Variants in PLA2G6 observed in about 807,000 individuals in gnomAD.
PLA2G6 encodes phospholipase A2 group VI, also known as 85/88 kDa calcium-independent phospholipase A2.
A neutral mutation model predicts 83.8 loss-of-function variants in PLA2G6; 62 were observed. That is an observed-to-expected ratio of 0.74 (90% confidence interval 0.60 to 0.91). PLA2G6 has a LOEUF of 0.91. Among genes scored for constraint, PLA2G6 ranks in the 40% least tolerant of loss-of-function variants. The pLI is 0.00. For missense variants in PLA2G6, 944 were observed against 1,102.0 expected (o/e 0.86, Z 2.03); for synonymous variants, 417 against 449.8 (o/e 0.93, Z 0.92).
chr22:38,159,814 C>T (rs2089940684), intron 2 of PLA2G6, among the ~76,000 whole-genome samples: 3 of 151,886 alleles, frequency 2.0e-5, no homozygotes, highest in African/African-American at 7.3e-5. Flanking sequence ...CTTCTCAAAG[C>T]TTTAAGATAG....
chr22:38,179,467 C>A (rs1490312154), intron 1 of PLA2G6, among the ~76,000 whole-genome samples: 1 of 146,132 alleles, frequency 6.8e-6, no homozygotes, highest in African/African-American at 2.6e-5. Flanking sequence ...GAGGGCAGAA[C>A]TAACAGGAGC....
At chr22:38,173,350 C>A (rs1275217031) in intron 1 of PLA2G6, among the ~76,000 whole-genome samples, 1 of 151,968 alleles carries the variant, frequency 6.6e-6, no homozygotes, top group Non-Finnish European at 1.5e-5. Context: ...CTCCCTGCAC[C>A]CCCAGGATGC....
intron 1 of PLA2G6, among the ~76,000 whole-genome samples, chr22:38,171,855 T>C (rs1192603392): frequency 6.7e-6 from 1 of 149,096 alleles, no homozygotes; most frequent in African/African-American, 2.5e-5. Context: ...AAAGACAGGG[T>C]CTTACCACGT....
chr22:38,144,587 C>T (rs538938018), intron 3 of PLA2G6: 1 of 142,678 alleles, frequency 7.0e-6, no homozygotes, highest in African/African-American at 2.6e-5. Context: ...GAGCCGAGAT[C>T]GCGCCACTGC....
chr22:38,168,505 C>T (rs2090308825), intron 2 of PLA2G6, among the ~76,000 whole-genome samples: 1 of 152,238 alleles, frequency 6.6e-6, no homozygotes, highest in South Asian at 2.1e-4. Flanking sequence ...TCTGTCCAGC[C>T]TTCCTAAGCA....
rs549724675 is a variant in PLA2G6 at position 38,132,769 on chromosome 22, G to A, written c.1077+62C>T. The A allele has an allele frequency of 2.0e-4, 284 of 1,415,082 alleles. No homozygotes were observed. Among genetic ancestry groups the A allele is most frequent in the Non-Finnish European group, 2.5e-4 (261 of 1,039,578 alleles). The allele number at this position is 1,415,082 out of a possible 1,614,324, so 87.7% of individuals were successfully genotyped here. A position where few individuals can be genotyped will look rare whatever the true frequency, so the allele number is the denominator to read the frequency against. On this transcript the variant is annotated intron_variant, in intron 7 of 16. Transcript: ENST00000332509. This position sits in a 1 kb window ranked among gnomAD's most constrained non-coding sequence, Gnocchi z 5.0. Reference sequence around the variant, plus strand: ...ACAGTGGGGAGGAGGGCTCCAGTCCGGACAGCCCTCCTGCATTCCCACCGG... The same window carrying A: ...ACAGTGGGGAGGAGGGCTCCAGTCCAGACAGCCCTCCTGCATTCCCACCGG...
intron 1 of PLA2G6, among the ~76,000 whole-genome samples, chr22:38,174,163 A>G (rs1179545140): frequency 1.3e-5 from 2 of 152,180 alleles, no homozygotes; most frequent in Non-Finnish European, 2.9e-5. Context: ...TTGGGAGGTT[A>G]AGGCGGGCGG....
rs1337264018 is a variant in PLA2G6 at position 38,128,337 on chromosome 22, G to A, written c.1280C>T (p.Ser427Phe). The A allele has an allele frequency of 8.7e-6, 14 of 1,613,514 alleles. No individual in the cohort carries two copies. The highest frequency in any genetic ancestry group is 1.2e-5 in the Non-Finnish European group (14 of 1,180,026). Reference protein sequence around the residue: ...PIHGVPAEQGSAAPHHPFSLE... With the variant: ...PIHGVPAEQGFAAPHHPFSLE... ...GGAGAAGGGATGATGTGGCGCTGCAGAGCCCTGCTCCGCGGGGACCCCGTG... is the reference window on the plus strand; with the variant it reads ...GGAGAAGGGATGATGTGGCGCTGCAAAGCCCTGCTCCGCGGGGACCCCGTG... Residue 427 changes from serine (S) to phenylalanine (F), a missense_variant, in exon 9 of 17, where the codon TCT (serine) becomes TTT (phenylalanine). Coordinates refer to ENST00000332509, the MANE Select transcript of PLA2G6 (RefSeq NM_003560.4). This position sits in a 1 kb window ranked among gnomAD's most constrained non-coding sequence, Gnocchi z 4.4.
rs56391117 is a variant in PLA2G6, at chr22:38,141,193, C to CA, written c.610-1025dup. Reference sequence around the variant, plus strand: ...TGGGCGACAGAGCAAGACTCCGTCTCAAAAAAAAAAAAAATTAGCCCATGT... The same window carrying CA: ...TGGGCGACAGAGCAAGACTCCGTCTCAAAAAAAAAAAAAAATTAGCCCATGT... On this transcript the variant is annotated intron_variant, in intron 4 of 16. Transcript: ENST00000332509. The CA allele has an allele frequency of 1.4e-3, 165 of 121,708 alleles. No individual in the cohort carries two copies. In the Middle Eastern group the frequency reaches 0.014, roughly 10 times the overall value. The allele number at this position is 121,708 out of a possible 1,614,324, so 7.5% of individuals were successfully genotyped here. A position where few individuals can be genotyped will look rare whatever the true frequency, so the allele number is the denominator to read the frequency against.
chr22:38,143,408 T>A, intron 3 of PLA2G6, 120 bp from the exon 4 acceptor site: 1 of 855,162 alleles, frequency 1.2e-6, no homozygotes, highest in Non-Finnish European at 1.9e-6. Flanking sequence ...TTATTTGAGC[T>A]CAAGAGCATT....
In PLA2G6 at chr22:38,132,139, CAT is replaced by C. The variant is rs1204833151; in HGVS notation, c.1077+690_1077+691del. ...CGAAAAAAAAGAATACATGCACACACATATGTCTGTAACACAGTAACGTCCTC... is the reference window on the plus strand; with the variant it reads ...CGAAAAAAAAGAATACATGCACACACATGTCTGTAACACAGTAACGTCCTC... On this transcript the variant is annotated intron_variant, in intron 7 of 16. Transcript: ENST00000332509. The surrounding 1 kb of genome is among the most constrained non-coding windows in gnomAD (Gnocchi z 5.0). 4 of 455,854 alleles carry C rather than the reference CAT, an allele frequency of 8.8e-6. No homozygotes were observed. The highest frequency in any genetic ancestry group is 1.6e-5 in the South Asian group (1 of 64,512). The allele number at this position is 455,854 out of a possible 1,614,324, so 28.2% of individuals were successfully genotyped here.
At chr22:38,173,145 C>T (rs549806047) in intron 1 of PLA2G6, among the ~76,000 whole-genome samples, 42 of 152,270 alleles carry the variant, frequency 2.8e-4, no homozygotes, top group African/African-American at 8.9e-4. Flanking sequence ...CTGTCCCTGC[C>T]ACCTTGGACC....
In PLA2G6 at chr22:38,123,327, T is replaced by C. The variant is rs1602097673; in HGVS notation, c.1428-69A>G. Reference sequence around the variant, plus strand: ...GCCCAGTACTTTACATCCACCCTCATAGCCCTTGTCCCCTGCAGCTGTGTC... The same window carrying C: ...GCCCAGTACTTTACATCCACCCTCACAGCCCTTGTCCCCTGCAGCTGTGTC... On this transcript the variant is annotated intron_variant, in intron 10 of 16. Coordinates refer to ENST00000332509, the MANE Select transcript of PLA2G6 (RefSeq NM_003560.4). The surrounding 1 kb of genome is among the most constrained non-coding windows in gnomAD (Gnocchi z 4.1). The C allele has an allele frequency of 4.1e-6, 6 of 1,481,322 alleles. No homozygotes were observed. In the South Asian group the frequency reaches 4.8e-5, roughly 12 times the overall value. 91.8% of individuals were successfully genotyped at this position (1,481,322 alleles called of 1,614,324 possible). A position where few individuals can be genotyped will look rare whatever the true frequency, so the allele number is the denominator to read the frequency against.
At position 38,111,877 on chromosome 22, in the gene PLA2G6, T is replaced by G. The variant is rs2086887810; in HGVS notation, c.*284A>C. 2.0e-6 allele frequency: 1 copy of G among 490,962 alleles called. No homozygotes were observed. The allele number at this position is 490,962 out of a possible 1,614,324, so 30.4% of individuals were successfully genotyped here. ...GTTGTGCCCGGGTACCCTTAATGTT[T>G]GAGCTGATGGGGGAGTCAGTTGTCC... On this transcript the variant is annotated 3_prime_UTR_variant, in exon 17 of 17. Transcript: ENST00000332509.
Position 38,123,874 on chromosome 22 carries a change from T to G in PLA2G6, c.1428-616A>C, listed in dbSNP as rs1190718053. On this transcript the variant is annotated intron_variant, in intron 10 of 16. Coordinates refer to ENST00000332509, the MANE Select transcript of PLA2G6 (RefSeq NM_003560.4). The surrounding 1 kb of genome is among the most constrained non-coding windows in gnomAD (Gnocchi z 4.1). ...TTTAGAGACGGAGTTTCACTCTTGT[T>G]GCCCAGGCTGGAGTGCAATAACGCG... Among the ~76,000 whole-genome samples the G allele has an allele frequency of 6.6e-6, 1 of 152,190 alleles. No individual in the cohort carries two copies. The highest frequency in any genetic ancestry group is 1.5e-5 in the Non-Finnish European group (1 of 68,034).
At chr22:38,114,370 A>G (rs1199910863) in intron 14 of PLA2G6, among the ~76,000 whole-genome samples, 1 of 152,156 alleles carries the variant, frequency 6.6e-6, no homozygotes, top group East Asian at 1.9e-4. Flanking sequence ...TATTTTTAGT[A>G]GAGACAGGGT....
intron 1 of PLA2G6, among the ~76,000 whole-genome samples, chr22:38,170,174 G>A (rs2090382043): frequency 6.7e-6 from 1 of 149,754 alleles, no homozygotes; most frequent in Non-Finnish European, 1.5e-5. Context: ...CTCCAGCCTG[G>A]GCGATAGGGT....
chr22:38,142,023 C>T (rs2088938021), intron 4 of PLA2G6: 1 of 151,700 alleles, frequency 6.6e-6, no homozygotes, highest in African/African-American at 2.4e-5. Flanking sequence ...GGCAAAACCC[C>T]ATCCCTACTA....
Position 38,132,726 on chromosome 22 carries a change from G to T in PLA2G6, c.1077+105C>A. 9.7e-7 allele frequency: 1 copy of T among 1,025,722 alleles called. No individual in the cohort carries two copies. The highest frequency in any genetic ancestry group is 1.4e-6 in the Non-Finnish European group (1 of 697,434). The allele number at this position is 1,025,722 out of a possible 1,614,324, so 63.5% of individuals were successfully genotyped here. ...TTGGGTGGGAAGATGATTTGGAGCA[G>T]CTGACGATAGGAGGGAGACAGTGGG... On this transcript the variant is annotated intron_variant, in intron 7 of 16. Transcript: ENST00000332509. The surrounding 1 kb of genome is among the most constrained non-coding windows in gnomAD (Gnocchi z 5.0).
Sources: allele counts gnomAD v4.1 joint callset (sites outside exome capture counted in the v4.1 genomes callset), GRCh38; gene constraint gnomAD v4.1.1; non-coding constraint Gnocchi (gnomAD v3.1); transcripts MANE v1.5; gene names NCBI Gene and HGNC (gene_info 2026-07-23, HGNC 2026-07-21).